The following TXNL1 variants were observed in gnomAD, a reference collection of about 807,000 sequenced individuals.
TXNL1 encodes thioredoxin-like protein 1.
TXNL1 carries 14 observed loss-of-function variants against 35.5 expected under a neutral mutation model. The ratio of observed to expected loss-of-function variants is 0.39; its 90% CI spans 0.26 to 0.62. TXNL1 has a LOEUF of 0.62. Among genes scored for constraint, TXNL1 ranks in the 20% least tolerant of loss-of-function variants. TXNL1 has a pLI of 0.47. For missense variants in TXNL1, 263 were observed against 349.7 expected, an observed-to-expected ratio of 0.75 and a Z score of 1.98; for synonymous variants, 110 against 115.5, an observed-to-expected ratio of 0.95 and a Z score of 0.31.
intron 1 of TXNL1, among the ~76,000 whole-genome samples, chr18:56,631,909 A>C (rs1179054924): frequency 2.6e-5 from 4 of 151,316 alleles, no homozygotes; most frequent in Non-Finnish European, 5.9e-5. Context: ...AAAAACAGCG[A>C]AACTCTGTCT....
At chr18:56,632,448 T>C (rs939811432) in intron 1 of TXNL1, among the ~76,000 whole-genome samples, 3 of 152,046 alleles carry the variant, frequency 2.0e-5, no homozygotes, top group Admixed American at 6.5e-5. Context: ...CACAAACTCA[T>C]GTCACCTCAT....
intron 1 of TXNL1, among the ~76,000 whole-genome samples, chr18:56,631,403 C>A (rs779659361): frequency 1.3e-5 from 2 of 152,072 alleles, no homozygotes; most frequent in Non-Finnish European, 2.9e-5. Flanking sequence ...CTGCCCTTTG[C>A]ACAATCTACG....
chr18:56,612,431 G>A (rs1486965999), intron 6 of TXNL1, among the ~76,000 whole-genome samples: 15 of 151,548 alleles, frequency 9.9e-5, no homozygotes, highest in African/African-American at 2.7e-4. Flanking sequence ...CCCTCAGCAC[G>A]ATAAAAACTA....
At chr18:56,621,941 A>AG (rs200959692) in intron 3 of TXNL1, among the ~76,000 whole-genome samples, 2,222 of 146,638 alleles carry the variant, frequency 0.015, 19 homozygotes, top group Non-Finnish European at 0.022. Flanking sequence ...GGCAGGGGCC[A>AG]GGGGGACGGT....
chr18:56,621,890 C>T (rs747197015), intron 3 of TXNL1, among the ~76,000 whole-genome samples: 3 of 151,418 alleles, frequency 2.0e-5, no homozygotes, highest in Non-Finnish European at 2.9e-5. Context: ...ATCCCAGCTA[C>T]TTGGGAGCCC....
rs148431440 is a variant in TXNL1 at position 56,614,849 on chromosome 18, G to GAC, written c.563-255_563-254dup. Among the ~76,000 whole-genome samples the GAC allele has an allele frequency of 4.6e-5, 7 of 152,036 alleles. No homozygotes were observed. The East Asian group carries it at 1.2e-3, about 25-fold the overall frequency. On this transcript the variant is annotated intron_variant, in intron 5 of 7. Transcript: ENST00000217515. Reference sequence around the variant, plus strand: ...ATATTAGGAATATAAGATTTAAACAGACACACACACACAGAGGGAGTCCCT... The same window carrying GAC: ...ATATTAGGAATATAAGATTTAAACAGACACACACACACACAGAGGGAGTCCCT...
At chr18:56,610,761 TAA>T (rs2023976691) in intron 7 of TXNL1, 1 of 280,256 alleles carries the variant, frequency 3.6e-6, no homozygotes, top group African/African-American at 2.2e-5. Flanking sequence ...TGTCATTCAT[TAA>T]AAGACTCTTT....
rs954185339 is a variant in TXNL1, at chr18:56,618,113, G to A, written c.383C>T (p.Pro128Leu). ...TTCACAACCAGCTTTGTTAATAAAA[G>A]GCATTAAATCCATCTGAAAAAAAAT... Reference protein sequence around the residue: ...DIPKGYMDLMPFINKAGCECL... With the variant: ...DIPKGYMDLMLFINKAGCECL... Residue 128 changes from proline to leucine, a missense_variant, in exon 4 of 8, where the codon CCT becomes CTT. Pro to Leu is a moderately conservative substitution (Grantham distance 98). Coordinates refer to ENST00000217515, the MANE Select transcript of TXNL1 (RefSeq NM_004786.3). 1 of 1,612,878 alleles carries A rather than the reference G, an allele frequency of 6.2e-7. No individual in the cohort carries two copies. The highest frequency in any genetic ancestry group is 1.7e-5 in the Admixed American group (1 of 59,974).
intron 1 of TXNL1, among the ~76,000 whole-genome samples, chr18:56,633,661 T>A (rs557706241): frequency 2.0e-5 from 3 of 149,070 alleles, no homozygotes; most frequent in South Asian, 2.1e-4. Context: ...GTAAACATTA[T>A]CTACAAAAGT....
chr18:56,611,108 A>G lies in TXNL1; in HGVS notation c.736-11T>C, dbSNP rs780100085. On this transcript the variant is annotated splice_polypyrimidine_tract_variant and intron_variant, in intron 6 of 7. Coordinates refer to ENST00000217515, the MANE Select transcript of TXNL1 (RefSeq NM_004786.3). ...CGACTGAACAAATATCTACCAAAAA[A>G]AAGTTTGCATTTATAATTACAATCC... 1.3e-5 allele frequency: 21 copies of G among 1,569,110 alleles called. No homozygotes were observed. The Middle Eastern group carries it at 6.7e-4, about 50-fold the overall frequency.
chr18:56,638,358 T>C lies in TXNL1; in HGVS notation c.83A>G (p.Lys28Arg), dbSNP rs1476726226. The C allele has an allele frequency of 6.2e-7, 1 of 1,613,412 alleles. No individual in the cohort carries two copies. The highest frequency in any genetic ancestry group is 1.1e-5 in the South Asian group (1 of 90,950). ...CTGGCCTCACCCTCTCATGGTGAAC[T>C]TGACCACGGCGAGTCTGGAGCCCGC... ...SGAGSRLAVV[K>R]FTMRGCGPCL... is the part of the protein sequence containing the mutation. Residue 28 changes from lysine (K) to arginine (R), a missense_variant, in exon 1 of 8, where the codon AAG becomes AGG. Lys to Arg is a conservative substitution (Grantham distance 26). Transcript: ENST00000217515.
chr18:56,623,093 C>A (rs1004577589), intron 3 of TXNL1, among the ~76,000 whole-genome samples: 11 of 152,000 alleles, frequency 7.2e-5, no homozygotes, highest in African/African-American at 2.7e-4. Context: ...AGCTCCATGA[C>A]ACAGATCTGC....
At position 56,598,960 on chromosome 18, in the gene TXNL1, A is replaced by G. The variant is rs1374133936; in HGVS notation, c.*4067T>C. On this transcript the variant is annotated 3_prime_UTR_variant, in exon 8 of 8. Coordinates refer to ENST00000217515, the MANE Select transcript of TXNL1 (RefSeq NM_004786.3). ...TGCGTGTCCAATTATAAACCAACAG[A>G]TCATGTTTTCACAATTAATTCTGGT... The G allele has an allele frequency of 6.6e-6, 1 of 152,210 alleles. No homozygotes were observed. Among genetic ancestry groups the G allele is most frequent in the Non-Finnish European group, 1.5e-5 (1 of 68,036 alleles). 9.4% of individuals were successfully genotyped at this position (152,210 alleles called of 1,614,324 possible).
At position 56,626,797 on chromosome 18, in the gene TXNL1, C is replaced by CTTTTTTTTTTTTTTTT. The variant is rs386387792; in HGVS notation, c.99-356_99-341dup. Among the ~76,000 whole-genome samples the CTTTTTTTTTTTTTTTT allele has an allele frequency of 1.4e-3, 79 of 55,006 alleles. 13 individuals carry two copies. The highest frequency in any genetic ancestry group is 3.6e-3 in the African/African-American group (53 of 14,698). The allele number at this position is 55,006 out of a possible 152,430, so 36.1% of individuals were successfully genotyped here. A position where few individuals can be genotyped will look rare whatever the true frequency, so the allele number is the denominator to read the frequency against. ...TACAGGCGTGAGCCACCAAGCCGGT[C>CTTTTTTTTTTTTTTTT]TTTTTTTTTTTTTTTTTTTTTTTTG... On this transcript the variant is annotated intron_variant, in intron 1 of 7. Coordinates refer to ENST00000217515, the MANE Select transcript of TXNL1 (RefSeq NM_004786.3).
intron 1 of TXNL1, among the ~76,000 whole-genome samples, chr18:56,637,994 G>A (rs1376993489): frequency 1.3e-5 from 2 of 152,226 alleles, no homozygotes; most frequent in East Asian, 1.9e-4. Flanking sequence ...TCTGCAGAAA[G>A]AAGGGGTCAG....
At position 56,638,556 on chromosome 18, in the gene TXNL1, G is replaced by A; in HGVS notation, c.-116C>T. 1 of 1,026,864 alleles carries A rather than the reference G, an allele frequency of 9.7e-7. No individual in the cohort carries two copies. The allele number at this position is 1,026,864 out of a possible 1,614,324, so 63.6% of individuals were successfully genotyped here. ...GGAAGGCCGAGGCCTGGACAGAAGA[G>A]GTGGCGACCGCCGAGTCTTCTCCCG... is the stretch of plus-strand genomic sequence containing the variant. On this transcript the variant is annotated 5_prime_UTR_variant, in exon 1 of 8. Transcript: ENST00000217515.
intron 4 of TXNL1, among the ~76,000 whole-genome samples, chr18:56,617,068 C>G (rs765184487): frequency 6.6e-6 from 1 of 152,062 alleles, no homozygotes; most frequent in Non-Finnish European, 1.5e-5. Flanking sequence ...TTTTAGGGCA[C>G]CATTTACAAG....
chr18:56,614,008 A>C (rs2024040608), intron 6 of TXNL1, among the ~76,000 whole-genome samples: 1 of 152,170 alleles, frequency 6.6e-6, no homozygotes, highest in African/African-American at 2.4e-5. Context: ...CTCAAAAAAA[A>C]ATAAATAAAT....
chr18:56,624,433 G>C lies in TXNL1; in HGVS notation c.224C>G (p.Ala75Gly). ...TCGAAAAAACAAAAATGTAGGTGTT[G>C]CTGATATATTGTTGGTGGCAGCTGT... is the stretch of plus-strand genomic sequence containing the variant. ...QGTAATNNIS[A>G]TPTFLFFRNK... Residue 75 changes from alanine to glycine, a missense_variant, in exon 3 of 8, where the codon GCA becomes GGA. By Grantham distance (60) the Ala-to-Gly change is moderately conservative (BLOSUM62 0). Transcript: ENST00000217515. 1 of 1,613,398 alleles carries C rather than the reference G, an allele frequency of 6.2e-7. No individual in the cohort carries two copies. The highest frequency in any genetic ancestry group is 1.7e-4 in the Middle Eastern group (1 of 6,060).
Sources: gnomAD v4.1 joint callset for allele counts (sites outside exome capture counted in the v4.1 genomes callset) on GRCh38, gnomAD v4.1.1 for gene constraint, MANE v1.5 for transcripts, NCBI Gene and HGNC (gene_info 2026-07-23, HGNC 2026-07-21) for gene names.